The following GAS7 variants were observed in gnomAD, a reference collection of about 807,000 sequenced individuals.
GAS7 encodes growth arrest-specific protein 7.
In GAS7, 28 loss-of-function variants were observed where a neutral mutation model predicts 71.1. The observed-to-expected ratio is 0.39, with a 90% CI of 0.29 to 0.54. The LOEUF (loss-of-function observed/expected upper bound fraction) is 0.54, where lower values mean the gene tolerates loss of function less well. Ranked by LOEUF, GAS7 falls within the 20% of genes least tolerant of loss-of-function variation. The pLI, the probability that GAS7 is intolerant of heterozygous loss-of-function variation, is 0.62. For synonymous variants in GAS7, 258 were observed against 245.8 expected (o/e 1.05, Z -0.46); for missense variants, 436 against 627.8 (o/e 0.69, Z 3.27).
At chr17:9,975,227 C>T (rs1235632119) in intron 3 of GAS7, among the ~76,000 whole-genome samples, 2 of 152,090 alleles carry the variant, frequency 1.3e-5, no homozygotes, top group East Asian at 1.9e-4. Context: ...TGGTGGCGCA[C>T]GCCTGTAATC....
chr17:9,965,563 G>A (rs1184734166), intron 4 of GAS7, among the ~76,000 whole-genome samples: 2 of 152,288 alleles, frequency 1.3e-5, no homozygotes, highest in African/African-American at 2.4e-5. Context: ...CCTACTGCAC[G>A]CAGGGCTTAA....
chr17:10,108,679 T>A (rs1403482921), intron 1 of GAS7, among the ~76,000 whole-genome samples: 1 of 152,130 alleles, frequency 6.6e-6, no homozygotes, highest in Non-Finnish European at 1.5e-5. Flanking sequence ...AATAAATCCA[T>A]GTATTTACAG....
At chr17:10,135,554 A>G (rs1056804588) in intron 1 of GAS7, among the ~76,000 whole-genome samples, 1 of 152,202 alleles carries the variant, frequency 6.6e-6, no homozygotes, top group Non-Finnish European at 1.5e-5. Flanking sequence ...CTGCTGGTTT[A>G]TATCTGTTTA....
At chr17:10,036,278 T>C (rs2152224425) in intron 1 of GAS7, among the ~76,000 whole-genome samples, 1 of 151,954 alleles carries the variant, frequency 6.6e-6, no homozygotes, top group Middle Eastern at 3.4e-3. Flanking sequence ...AGGTGCCCCC[T>C]AGCACACAGG....
chr17:10,100,649 AC>A (rs918606739), intron 1 of GAS7, among the ~76,000 whole-genome samples: 1 of 150,294 alleles, frequency 6.7e-6, no homozygotes, highest in Admixed American at 6.6e-5. Context: ...CCACCTCCCA[AC>A]CCCCCCATCC....
chr17:10,086,900 C>CA (rs2079556289), intron 1 of GAS7, among the ~76,000 whole-genome samples: 1 of 152,140 alleles, frequency 6.6e-6, no homozygotes, highest in East Asian at 1.9e-4. Context: ...TCATACAAGC[C>CA]AAAGCAACCC....
At position 9,959,238 on chromosome 17, in the gene GAS7, C is replaced by T. The variant is rs142589082; in HGVS notation, c.489G>A (p.Ser163=). Reference sequence around the variant, plus strand: ...TTTCCTTGCTCTGCTTTTTGCTTGGCGATGAGGATCCCAGGTTCTGGGGAG... The same window carrying T: ...TTTCCTTGCTCTGCTTTTTGCTTGGTGATGAGGATCCCAGGTTCTGGGGAG... ...TGDSQNLGSS[S]PSKKQSKENT... is the part of the protein sequence containing the mutation. The change falls in exon 5 of 14, where the codon TCG becomes TCA. Residue 163 remains serine (S), a synonymous_variant. Coordinates refer to ENST00000432992, the MANE Select transcript of GAS7 (RefSeq NM_201433.2). This position sits in a 1 kb window ranked among gnomAD's most constrained non-coding sequence, Gnocchi z 5.0. 4.7e-4 allele frequency: 765 copies of T among 1,614,102 alleles called. No homozygotes were observed. The highest frequency in any genetic ancestry group is 6.0e-4 in the Admixed American group (36 of 60,026).
chr17:9,973,552 C>T (rs2070060582), intron 3 of GAS7, among the ~76,000 whole-genome samples: 2 of 152,192 alleles, frequency 1.3e-5, no homozygotes, highest in African/African-American at 4.8e-5. Flanking sequence ...CCGTGCTGTA[C>T]TTATAGTAGA....
chr17:9,998,591 A>G (rs1397755329), intron 2 of GAS7, among the ~76,000 whole-genome samples: 1 of 152,042 alleles, frequency 6.6e-6, no homozygotes, highest in African/African-American at 2.4e-5. Context: ...ATATAGTGAG[A>G]CCCCTGTCTC....
At chr17:9,968,344 G>T (rs954288751) in intron 4 of GAS7, among the ~76,000 whole-genome samples, 1 of 152,128 alleles carries the variant, frequency 6.6e-6, no homozygotes, top group African/African-American at 2.4e-5. Flanking sequence ...CAGCATCAGC[G>T]TCACCTCGGA....
chr17:10,154,183 T>C (rs1420079239), intron 1 of GAS7, among the ~76,000 whole-genome samples: 1 of 151,978 alleles, frequency 6.6e-6, no homozygotes, highest in Non-Finnish European at 1.5e-5. Context: ...AAAATATATA[T>C]TAAAATATAC....
chr17:10,173,512 T>C (rs1022828931), intron 1 of GAS7, among the ~76,000 whole-genome samples: 1 of 152,062 alleles, frequency 6.6e-6, no homozygotes, highest in African/African-American at 2.4e-5. Flanking sequence ...CTCACGCCTA[T>C]AATTCCAGCA....
intron 1 of GAS7, among the ~76,000 whole-genome samples, chr17:10,118,206 A>C (rs1404878228): frequency 6.6e-6 from 1 of 152,082 alleles, no homozygotes; most frequent in African/African-American, 2.4e-5. Flanking sequence ...GTAAACAGGG[A>C]TATCGCCTGA....
At chr17:10,014,220 C>T (rs959773941) in intron 2 of GAS7, among the ~76,000 whole-genome samples, 2 of 152,200 alleles carry the variant, frequency 1.3e-5, no homozygotes, top group African/African-American at 4.8e-5. Context: ...GGAATCCAGG[C>T]ACTTCCAATC....
chr17:9,962,239 T>TACACACACACACACAC (rs58521200), intron 4 of GAS7, among the ~76,000 whole-genome samples: 177 of 148,732 alleles, frequency 1.2e-3, no homozygotes, highest in African/African-American at 4.2e-3. Context: ...GTGCATTTTA[T>TACACACACACACACAC]ACACACACAC....
chr17:10,125,845 C>CTG (rs940101124), intron 1 of GAS7, among the ~76,000 whole-genome samples: 6 of 152,170 alleles, frequency 3.9e-5, no homozygotes, highest in Admixed American at 2.0e-4. Context: ...CCCCTCCACC[C>CTG]TGTGTTATTT....
intron 1 of GAS7, among the ~76,000 whole-genome samples, chr17:10,196,586 G>A (rs888285768): frequency 3.3e-5 from 5 of 152,042 alleles, no homozygotes; most frequent in Non-Finnish European, 7.4e-5. Context: ...CCCTTTCCCG[G>A]AAGAAAAAGC....
intron 1 of GAS7, among the ~76,000 whole-genome samples, chr17:10,129,326 G>GA (rs1339059550): frequency 6.6e-6 from 1 of 152,172 alleles, no homozygotes; most frequent in African/African-American, 2.4e-5. Flanking sequence ...CTTGAGCTCA[G>GA]GAGTTTGAGA....
rs543419045 is a variant in GAS7 at position 10,126,530 on chromosome 17, CACACACACAAAGA to C, written c.183+71665_183+71677del. Among the ~76,000 whole-genome samples, 30 of 61,154 alleles carry C rather than the reference CACACACACAAAGA, an allele frequency of 4.9e-4. 1 individual carries two copies. In the South Asian group the frequency reaches 0.021, roughly 43 times the overall value. 40.1% of individuals were successfully genotyped at this position (61,154 alleles called of 152,430 possible). A position where few individuals can be genotyped will look rare whatever the true frequency, so the allele number is the denominator to read the frequency against. ...CACGTATCACACACGCACACACAAG[CACACACACAAAGA>C]GCGCACACACGCAGACATGCACACA... is the stretch of plus-strand genomic sequence containing the variant. On this transcript the variant is annotated intron_variant, in intron 1 of 13. Coordinates refer to ENST00000432992, the MANE Select transcript of GAS7 (RefSeq NM_201433.2).
Sources: gnomAD v4.1 joint callset for allele counts (sites outside exome capture counted in the v4.1 genomes callset) on GRCh38, gnomAD v4.1.1 for gene constraint, Gnocchi (gnomAD v3.1) non-coding constraint, MANE v1.5 for transcripts, NCBI Gene and HGNC (gene_info 2026-07-23, HGNC 2026-07-21) for gene names.